RBFOX1: variants seen among roughly 807,000 people sequenced by gnomAD.
The protein encoded by RBFOX1 is RNA binding protein fox-1 homolog 1.
In RBFOX1, 8 loss-of-function variants were observed where a neutral mutation model predicts 57.7. The ratio of observed to expected loss-of-function variants is 0.14; its 90% CI spans 0.08 to 0.25. The LOEUF (loss-of-function observed/expected upper bound fraction) is 0.25. RBFOX1 is among the 10% of genes least tolerant of loss of function. RBFOX1 has a pLI of 1.00. For synonymous variants in RBFOX1, 326 were observed against 222.4 expected (o/e 1.47, Z -4.15); for missense variants, 611 against 548.5 (o/e 1.11, Z -1.14).
At chr16:7,608,138 T>C (rs1342799398) in intron 10 of RBFOX1, among the ~76,000 whole-genome samples, 1 of 152,252 alleles carries the variant, frequency 6.6e-6, no homozygotes, top group African/African-American at 2.4e-5. Context: ...TTCTTTGATG[T>C]GGCTCTTGCT....
intron 1 of RBFOX1, among the ~76,000 whole-genome samples, chr16:5,292,947 T>A (rs1264018850): frequency 1.3e-5 from 2 of 152,066 alleles, no homozygotes; most frequent in Admixed American, 6.5e-5. Context: ...AAAGCACATT[T>A]CTCTCAAATT....
intron 1 of RBFOX1, among the ~76,000 whole-genome samples, chr16:5,291,494 A>T (rs1393479137): frequency 6.6e-6 from 1 of 151,876 alleles, no homozygotes; most frequent in Non-Finnish European, 1.5e-5. Context: ...GGATCTCCCT[A>T]ATGTCATGAT....
At chr16:5,911,032 C>G (rs1285456177) in intron 4 of RBFOX1, among the ~76,000 whole-genome samples, 1 of 152,164 alleles carries the variant, frequency 6.6e-6, no homozygotes, top group Non-Finnish European at 1.5e-5. Context: ...TATCTGTAAT[C>G]ATACCCCAAA....
chr16:7,000,042 A>T (rs2092645665), intron 3 of RBFOX1, among the ~76,000 whole-genome samples: 1 of 150,292 alleles, frequency 6.7e-6, no homozygotes, highest in African/African-American at 2.4e-5. Flanking sequence ...ACTGCACTCC[A>T]GCCTGGGCAA....
chr16:7,607,978 C>G (rs1209623403), intron 10 of RBFOX1, among the ~76,000 whole-genome samples: 5 of 152,176 alleles, frequency 3.3e-5, no homozygotes, highest in Admixed American at 1.3e-4. Flanking sequence ...GAGAGCATAA[C>G]CCAGAAGCAG....
chr16:6,961,209 T>C (rs1195084524), intron 3 of RBFOX1, among the ~76,000 whole-genome samples: 1 of 144,130 alleles, frequency 6.9e-6, no homozygotes, highest in Admixed American at 7.0e-5. Flanking sequence ...ATGCATGGGA[T>C]AGTAAGCTGA....
intron 3 of RBFOX1, among the ~76,000 whole-genome samples, chr16:6,917,555 C>T (rs1268976816): frequency 6.6e-6 from 1 of 152,186 alleles, no homozygotes; most frequent in Admixed American, 6.6e-5. Flanking sequence ...GTTCATTTTT[C>T]TAAGTGTCTC....
intron 1 of RBFOX1, among the ~76,000 whole-genome samples, chr16:6,100,025 G>C (rs1020752794): frequency 3.9e-5 from 6 of 152,196 alleles, no homozygotes; most frequent in Admixed American, 6.5e-5. Context: ...ATGTGACTTA[G>C]GAATGTTGAG....
chr16:7,593,417 G>A (rs960522715), intron 7 of RBFOX1, among the ~76,000 whole-genome samples: 4 of 152,188 alleles, frequency 2.6e-5, no homozygotes, highest in South Asian at 2.1e-4. Context: ...TACAGTTGGC[G>A]AGTGTATTTG....
chr16:5,706,824 G>C (rs2051265793), intron 3 of RBFOX1, among the ~76,000 whole-genome samples: 1 of 152,050 alleles, frequency 6.6e-6, no homozygotes, highest in South Asian at 2.1e-4. Flanking sequence ...GAATCACTGG[G>C]GCAGGGGGCA....
chr16:6,704,359 A>T (rs1228222696), intron 3 of RBFOX1: 1 of 152,214 alleles, frequency 6.6e-6, no homozygotes, highest in Non-Finnish European at 1.5e-5. Flanking sequence ...GATTTAGGAG[A>T]CGACCCTGCA....
At chr16:5,480,486 C>A (rs755437637) in intron 2 of RBFOX1, among the ~76,000 whole-genome samples, 2 of 152,114 alleles carry the variant, frequency 1.3e-5, no homozygotes, top group Non-Finnish European at 2.9e-5. Flanking sequence ...CCATAATAAA[C>A]CCTGCTGCCG....
intron 3 of RBFOX1, among the ~76,000 whole-genome samples, chr16:6,972,300 A>G (rs942571618): frequency 1.1e-4 from 17 of 151,720 alleles, no homozygotes; most frequent in African/African-American, 2.9e-4. Context: ...TTTTGTCTCT[A>G]TGATTGGGCT....
intron 3 of RBFOX1, among the ~76,000 whole-genome samples, chr16:6,867,264 C>A (rs889909592): frequency 6.6e-6 from 1 of 150,728 alleles, no homozygotes; most frequent in African/African-American, 2.4e-5. Flanking sequence ...TTTTTCCTTT[C>A]TGATGAGCAT....
intron 4 of RBFOX1, among the ~76,000 whole-genome samples, chr16:7,515,489 A>G (rs974888762): frequency 6.6e-6 from 1 of 152,102 alleles, no homozygotes; most frequent in African/African-American, 2.4e-5. Flanking sequence ...ACACACACAC[A>G]CACACACACA....
chr16:7,553,005 C>T (rs1202974214), intron 5 of RBFOX1, among the ~76,000 whole-genome samples: 2 of 151,898 alleles, frequency 1.3e-5, no homozygotes, highest in East Asian at 3.9e-4. Context: ...CTTAAGCATA[C>T]CTTCTCTTTC....
chr16:6,800,842 A>G (rs1211784111), intron 3 of RBFOX1, among the ~76,000 whole-genome samples: 3 of 151,954 alleles, frequency 2.0e-5, no homozygotes, highest in Admixed American at 1.3e-4. Flanking sequence ...AAATGGAAGG[A>G]TTTTTCATTT....
At chr16:6,937,627 C>G (rs916846017) in intron 3 of RBFOX1, among the ~76,000 whole-genome samples, 3 of 152,014 alleles carry the variant, frequency 2.0e-5, no homozygotes, top group Non-Finnish European at 4.4e-5. Flanking sequence ...TTGGTTCGGT[C>G]TGGAAAGGTG....
Position 7,303,482 on chromosome 16 carries a change from G to A in RBFOX1, c.28-214665G>A, listed in dbSNP as rs537736572. Among the ~76,000 whole-genome samples the A allele has an allele frequency of 2.4e-4, 37 of 152,352 alleles. No homozygotes were observed. The South Asian group carries it at 6.6e-3, about 27-fold the overall frequency. Reference sequence around the variant, plus strand: ...CTAATTGTCCAGCTCGCCTGATGCCGGGCGCGCGGGGCGCTCGCTCGCCTG... The same window carrying A: ...CTAATTGTCCAGCTCGCCTGATGCCAGGCGCGCGGGGCGCTCGCTCGCCTG... On this transcript the variant is annotated intron_variant, in intron 4 of 15. Transcript: ENST00000550418.
Sources: allele counts gnomAD v4.1 joint callset (sites outside exome capture counted in the v4.1 genomes callset), GRCh38; gene constraint gnomAD v4.1.1; transcripts MANE v1.5; gene names NCBI Gene and HGNC (gene_info 2026-07-23, HGNC 2026-07-21).